The following MARCHF11 variants were observed in gnomAD, a reference collection of about 807,000 sequenced individuals.
MARCHF11 encodes membrane associated ring-CH-type finger 11, also known as E3 ubiquitin-protein ligase MARCHF11.
A neutral mutation model predicts 37.3 loss-of-function variants in MARCHF11; 29 were observed. The observed-to-expected ratio is 0.78, with a 90% confidence interval of 0.58 to 1.06. The LOEUF (loss-of-function observed/expected upper bound fraction) is 1.06, where lower values mean the gene tolerates loss of function less well. Among genes scored for constraint, MARCHF11 ranks in the 50% least tolerant of loss-of-function variants. The pLI is 0.00. For synonymous variants in MARCHF11, 233 were observed against 228.0 expected, an observed-to-expected ratio of 1.02 and a Z score of -0.20; for missense variants, 482 against 533.4, an observed-to-expected ratio of 0.90 and a Z score of 0.95.
intron 2 of MARCHF11, among the ~76,000 whole-genome samples, chr5:16,129,831 G>A (rs1005758525): frequency 2.6e-5 from 4 of 152,048 alleles, no homozygotes; most frequent in Non-Finnish European, 4.4e-5. Flanking sequence ...ATGACATCTG[G>A]ACCAACTTAC....
chr5:16,095,478 A>G (rs1040268000), intron 2 of MARCHF11, among the ~76,000 whole-genome samples: 4 of 125,174 alleles, frequency 3.2e-5, no homozygotes, highest in African/African-American at 1.5e-4. Context: ...GGAAGGAAGG[A>G]AGGAAGGGAG....
intron 2 of MARCHF11, among the ~76,000 whole-genome samples, chr5:16,162,425 G>A (rs1250648481): frequency 6.6e-6 from 1 of 151,884 alleles, no homozygotes; most frequent in Non-Finnish European, 1.5e-5. Context: ...ACAAACCATA[G>A]TAAATATTCA....
intron 2 of MARCHF11, among the ~76,000 whole-genome samples, chr5:16,091,741 C>T (rs1736793743): frequency 6.6e-6 from 1 of 152,172 alleles, no homozygotes; most frequent in African/African-American, 2.4e-5. Context: ...ATCTTTGAAA[C>T]TCACAACCAT....
At chr5:16,114,690 A>G (rs1444951367) in intron 2 of MARCHF11, among the ~76,000 whole-genome samples, 2 of 151,650 alleles carry the variant, frequency 1.3e-5, no homozygotes, top group Non-Finnish European at 2.9e-5. Flanking sequence ...AGGTCTCACT[A>G]TGTTGCCCAG....
At chr5:16,158,616 A>G (rs1055648322) in intron 2 of MARCHF11, among the ~76,000 whole-genome samples, 13 of 151,930 alleles carry the variant, frequency 8.6e-5, no homozygotes, top group African/African-American at 3.1e-4. Flanking sequence ...ACAGAATATA[A>G]AATAAGGGTT....
rs938170936 is a variant in MARCHF11, at chr5:16,168,522, CAA to C, written c.693+9202_693+9203del. ...TGACTGAGAGAGACCACTGTGAAAG[CAA>C]AGACTGTTTAGGAGGAGACGGAAAG... On this transcript the variant is annotated intron_variant, in intron 2 of 3. Transcript: ENST00000332432. 1.6e-4 allele frequency among the ~76,000 whole-genome samples: 25 copies of C among 152,226 alleles called. No homozygotes were observed. The East Asian group carries it at 2.5e-3, about 15-fold the overall frequency.
At chr5:16,162,062 A>G (rs892234019) in intron 2 of MARCHF11, among the ~76,000 whole-genome samples, 1 of 152,090 alleles carries the variant, frequency 6.6e-6, no homozygotes, top group Admixed American at 6.6e-5. Context: ...AATTTATCAT[A>G]TAGAGAGGTT....
At chr5:16,099,184 GATC>G in intron 2 of MARCHF11, among the ~76,000 whole-genome samples, 1 of 152,254 alleles carries the variant, frequency 6.6e-6, no homozygotes, top group South Asian at 2.1e-4. Context: ...CAAGGAAGAT[GATC>G]AAATTTCCAA....
chr5:16,075,652 T>C (rs1050516663), intron 3 of MARCHF11, among the ~76,000 whole-genome samples: 1 of 152,102 alleles, frequency 6.6e-6, no homozygotes, highest in African/African-American at 2.4e-5. Context: ...AGGAATGACT[T>C]GATCTAGTTG....
intron 2 of MARCHF11, among the ~76,000 whole-genome samples, chr5:16,142,255 A>G (rs1229853643): frequency 6.6e-6 from 1 of 152,248 alleles, no homozygotes; most frequent in East Asian, 1.9e-4. Context: ...AGATTTTAAG[A>G]GGCACAAGCA....
At chr5:16,131,422 C>T (rs1162294218) in intron 2 of MARCHF11, among the ~76,000 whole-genome samples, 1 of 151,952 alleles carries the variant, frequency 6.6e-6, no homozygotes, top group South Asian at 2.1e-4. Flanking sequence ...AATAAATATA[C>T]AAATGTGTAA....
intron 2 of MARCHF11, among the ~76,000 whole-genome samples, chr5:16,127,493 G>C (rs141023495): frequency 6.6e-6 from 1 of 152,294 alleles, no homozygotes; most frequent in African/African-American, 2.4e-5. Context: ...GAGACTTTGA[G>C]ATTTGCCCCC....
intron 2 of MARCHF11, among the ~76,000 whole-genome samples, chr5:16,119,333 GCCTGGGC>G (rs1737274344): frequency 6.6e-6 from 1 of 151,612 alleles, no homozygotes; most frequent in Admixed American, 6.6e-5. Context: ...CTGCACTCCA[GCCTGGGC>G]AACAGAGTGA....
intron 2 of MARCHF11, among the ~76,000 whole-genome samples, chr5:16,175,812 A>G (rs1318910663): frequency 1.3e-5 from 2 of 152,224 alleles, no homozygotes; most frequent in African/African-American, 4.8e-5. Flanking sequence ...TCATCATCAC[A>G]TTCATATCAA....
At chr5:16,170,918 C>T (rs2126609943) in intron 2 of MARCHF11, among the ~76,000 whole-genome samples, 1 of 152,190 alleles carries the variant, frequency 6.6e-6, no homozygotes, top group African/African-American at 2.4e-5. Context: ...TTCCAGGACT[C>T]ACAGAGAGGA....
At chr5:16,147,675 T>G (rs1262416774) in intron 2 of MARCHF11, among the ~76,000 whole-genome samples, 1 of 104,914 alleles carries the variant, frequency 9.5e-6, no homozygotes, top group South Asian at 3.2e-4. Context: ...TGAATGACCA[T>G]GAATCTGTCC....
At chr5:16,109,137 C>T (rs1293349312) in intron 2 of MARCHF11, among the ~76,000 whole-genome samples, 1 of 151,872 alleles carries the variant, frequency 6.6e-6, no homozygotes, top group Non-Finnish European at 1.5e-5. Context: ...CACACACACA[C>T]ACACGTTTGG....
intron 3 of MARCHF11, among the ~76,000 whole-genome samples, chr5:16,078,631 A>G (rs1174247934): frequency 1.3e-5 from 2 of 152,128 alleles, no homozygotes; most frequent in Non-Finnish European, 2.9e-5. Context: ...TACAAATCCA[A>G]CAGTTCCCCA....
intron 1 of MARCHF11, 58 bp downstream of exon 1, chr5:16,178,981 C>T: frequency 7.3e-7 from 1 of 1,366,442 alleles, no homozygotes; most frequent in African/African-American, 1.5e-5. Flanking sequence ...GTGCTGAAAG[C>T]TTGACCGGCG....
Sources: gnomAD v4.1 joint callset for allele counts (sites outside exome capture counted in the v4.1 genomes callset) on GRCh38, gnomAD v4.1.1 for gene constraint, MANE v1.5 for transcripts, NCBI Gene and HGNC (gene_info 2026-07-23, HGNC 2026-07-21) for gene names.